Variants in VEPH1 observed in about 807,000 individuals in gnomAD.
VEPH1 encodes ventricular zone-expressed PH domain-containing protein homolog 1.
Under a neutral mutation model 85.2 loss-of-function variants are expected in VEPH1, and 80 were observed. The observed-to-expected ratio is 0.94, with a 90% CI of 0.78 to 1.13. The LOEUF (loss-of-function observed/expected upper bound fraction) is 1.13, where lower values mean the gene tolerates loss of function less well. Among genes scored for constraint, VEPH1 ranks in the 50% most tolerant of loss-of-function variants. The pLI is 0.00. For missense variants in VEPH1, 955 were observed against 980.5 expected, an observed-to-expected ratio of 0.97 and a Z score of 0.35; for synonymous variants, 297 against 348.0, an observed-to-expected ratio of 0.85 and a Z score of 1.63.
chr3:157,389,343 A>C (rs151226673), intron 6 of VEPH1, among the ~76,000 whole-genome samples: 2 of 152,188 alleles, frequency 1.3e-5, no homozygotes, highest in African/African-American at 4.8e-5. Flanking sequence ...AAACAAACAA[A>C]AAAAAGCATG....
chr3:157,499,284 G>A (rs1195182576), intron 1 of VEPH1: 5 of 137,168 alleles, frequency 3.6e-5, no homozygotes, highest in Admixed American at 2.2e-4. Flanking sequence ...GGTATTTGCT[G>A]GCGAATCAGC....
chr3:157,365,621 G>C (rs779988299), intron 7 of VEPH1, among the ~76,000 whole-genome samples: 1 of 152,082 alleles, frequency 6.6e-6, no homozygotes, highest in Non-Finnish European at 1.5e-5. Context: ...GGCTACAAAG[G>C]TTCCTGCACC....
intron 3 of VEPH1, among the ~76,000 whole-genome samples, chr3:157,467,125 A>ATGTGTGTATGTGTGTGTGTG (rs1553793178): frequency 2.0e-4 from 29 of 145,446 alleles, no homozygotes; most frequent in South Asian, 6.5e-4. Flanking sequence ...GTGTGTGTGT[A>ATGTGTGTATGTGTGTGTGTG]TGTGTGTGTG....
chr3:157,412,828 A>G (rs1269499513), intron 6 of VEPH1, among the ~76,000 whole-genome samples: 1 of 152,166 alleles, frequency 6.6e-6, no homozygotes, highest in Non-Finnish European at 1.5e-5. Flanking sequence ...GCCAGGCAGG[A>G]CTCAAGGGGT....
intron 11 of VEPH1, among the ~76,000 whole-genome samples, chr3:157,313,359 T>C (rs1720352800): frequency 6.6e-6 from 1 of 152,148 alleles, no homozygotes; most frequent in South Asian, 2.1e-4. Flanking sequence ...TTTCATACTA[T>C]GCATGCAGTT....
At chr3:157,350,206 A>G (rs183698426) in intron 9 of VEPH1, among the ~76,000 whole-genome samples, 146 of 152,324 alleles carry the variant, frequency 9.6e-4, no homozygotes, top group African/African-American at 3.4e-3. Context: ...GAACCTAGAA[A>G]TTAATCCACA....
chr3:157,261,439 G>T (rs898156947), intron 13 of VEPH1, 69 bp from the exon 14 acceptor site: 36 of 1,574,130 alleles, frequency 2.3e-5, no homozygotes, highest in Admixed American at 5.6e-5. Flanking sequence ...GGCTACTGGA[G>T]AACTTTCTAA....
chr3:157,386,637 C>A (rs1729333891), intron 6 of VEPH1, among the ~76,000 whole-genome samples: 1 of 152,150 alleles, frequency 6.6e-6, no homozygotes, highest in African/African-American at 2.4e-5. Context: ...CCCCACAATG[C>A]ACAAGACAAC....
intron 12 of VEPH1, among the ~76,000 whole-genome samples, chr3:157,274,932 G>A (rs1421306728): frequency 1.3e-5 from 2 of 152,118 alleles, no homozygotes; most frequent in Non-Finnish European, 2.9e-5. Flanking sequence ...GTAATAGATT[G>A]AGCTGCTTTG....
At chr3:157,306,285 A>C (rs1375429173) in intron 11 of VEPH1, among the ~76,000 whole-genome samples, 1 of 152,094 alleles carries the variant, frequency 6.6e-6, no homozygotes, top group African/African-American at 2.4e-5. Context: ...CAACCTCATC[A>C]TGAATTTTGT....
intron 6 of VEPH1, among the ~76,000 whole-genome samples, chr3:157,386,635 T>C (rs75759926): frequency 6.6e-6 from 1 of 152,170 alleles, no homozygotes; most frequent in African/African-American, 2.4e-5. Context: ...CACCCCACAA[T>C]GCACAAGACA....
chr3:157,286,119 A>C (rs1716736069), intron 12 of VEPH1: 1 of 153,478 alleles, frequency 6.5e-6, no homozygotes, highest in African/African-American at 2.4e-5. Flanking sequence ...TTCCTATTTC[A>C]ATGCTTCACT....
intron 2 of VEPH1, among the ~76,000 whole-genome samples, chr3:157,484,277 C>T (rs1738417105): frequency 6.6e-6 from 1 of 152,088 alleles, no homozygotes; most frequent in Admixed American, 6.5e-5. Flanking sequence ...TTATCATTAA[C>T]AGACCTTCAC....
intron 2 of VEPH1, among the ~76,000 whole-genome samples, chr3:157,475,785 T>C (rs1560095003): frequency 6.6e-6 from 1 of 152,146 alleles, no homozygotes. Flanking sequence ...AGGGTGACCC[T>C]GAAAGACAAA....
chr3:157,337,287 A>G (rs1723059612), intron 9 of VEPH1, among the ~76,000 whole-genome samples: 1 of 152,138 alleles, frequency 6.6e-6, no homozygotes, highest in South Asian at 2.1e-4. Flanking sequence ...AATTAAGAAA[A>G]TGTTAGTTAA....
At chr3:157,448,019 CT>C (rs1734681076) in intron 4 of VEPH1, among the ~76,000 whole-genome samples, 1 of 151,920 alleles carries the variant, frequency 6.6e-6, no homozygotes, top group Non-Finnish European at 1.5e-5. Context: ...CATTGATGAA[CT>C]ATGGGCCCAG....
intron 11 of VEPH1, among the ~76,000 whole-genome samples, chr3:157,310,738 A>G (rs1023854443): frequency 6.6e-6 from 1 of 152,088 alleles, no homozygotes; most frequent in African/African-American, 2.4e-5. Context: ...TGCTCCTACA[A>G]TCATCATCAT....
chr3:157,488,502 TC>T (rs1438479472), intron 2 of VEPH1, among the ~76,000 whole-genome samples: 6 of 131,724 alleles, frequency 4.6e-5, no homozygotes, highest in Non-Finnish European at 8.2e-5. Flanking sequence ...TTTCTTTCTT[TC>T]TTTCTTTTTT....
At chr3:157,319,502 G>C (rs981375248) in intron 9 of VEPH1, among the ~76,000 whole-genome samples, 1 of 152,222 alleles carries the variant, frequency 6.6e-6, no homozygotes, top group East Asian at 1.9e-4. Context: ...TTATGGTAAA[G>C]AAATAGGAAA....
Sources: allele counts gnomAD v4.1 joint callset (sites outside exome capture counted in the v4.1 genomes callset), GRCh38; gene constraint gnomAD v4.1.1; transcripts MANE v1.5; gene names NCBI Gene and HGNC (gene_info 2026-07-23, HGNC 2026-07-21).